RRP12: variants seen among roughly 807,000 people sequenced by gnomAD.
RRP12 encodes the protein RRP12-like protein.
Under a neutral mutation model 157.3 loss-of-function variants are expected in RRP12, and 78 were observed. The ratio of observed to expected loss-of-function variants is 0.50; its 90% CI spans 0.41 to 0.60. RRP12 has a LOEUF of 0.60. Ranked by LOEUF, RRP12 falls within the 20% of genes least tolerant of loss-of-function variation. The pLI, the probability that RRP12 is intolerant of heterozygous loss-of-function variation, is 0.00. For synonymous variants in RRP12, 726 were observed against 670.9 expected, an observed-to-expected ratio of 1.08 and a Z score of -1.27; for missense variants, 1,521 against 1,679.9, an observed-to-expected ratio of 0.91 and a Z score of 1.65.
At position 97,373,672 on chromosome 10, in the gene RRP12, C is replaced by T. The variant is rs1174318832; in HGVS notation, c.1929G>A (p.Leu643=). The part of the protein sequence containing the change: ...PTDVAISFKG[L]ARTLGMAISE... Reference sequence around the variant, plus strand: ...TGATGGCCATGCCCAGCGTCCGTGCCAGCCCTTTGAAGGAGATGGCCACAT... The same window carrying T: ...TGATGGCCATGCCCAGCGTCCGTGCTAGCCCTTTGAAGGAGATGGCCACAT... Residue 643 remains leucine (L), a synonymous_variant, in exon 17 of 34, where the codon CTG becomes CTA. Transcript: ENST00000370992. 6.2e-7 allele frequency: 1 copy of T among 1,613,964 alleles called. No individual in the cohort carries two copies. The highest frequency in any genetic ancestry group is 1.7e-5 in the Admixed American group (1 of 60,010).
chr10:97,387,478 C>T (rs1360433725), intron 8 of RRP12, among the ~76,000 whole-genome samples: 4 of 151,724 alleles, frequency 2.6e-5, no homozygotes, highest in African/African-American at 4.8e-5. Flanking sequence ...GGATTATAGG[C>T]GCGTGCAGCC....
Position 97,370,754 on chromosome 10 carries a change from C to T in RRP12, c.2545G>A (p.Ala849Thr). 1 of 1,614,158 alleles carries T rather than the reference C, an allele frequency of 6.2e-7. No homozygotes were observed. The change falls in exon 22 of 34, where the codon GCT becomes ACT. Residue 849 changes from alanine to threonine, a missense_variant. Coordinates refer to ENST00000370992, the MANE Select transcript of RRP12 (RefSeq NM_015179.4). ...GCAGTGATGAACTCCTTGTGTTCAG[C>T]TGAGAGCTTCCTCACGATGTGTAGG... Reference protein sequence around the residue: ...CLLHIVRKLSAEHKEFITALI... With the variant: ...CLLHIVRKLSTEHKEFITALI...
chr10:97,381,543 C>A, intron 11 of RRP12, 60 bp from the exon 12 acceptor site: 1 of 1,365,672 alleles, frequency 7.3e-7, no homozygotes. Context: ...CCACTCTCCC[C>A]TCCCAGGCAA....
Position 97,373,910 on chromosome 10 carries a change from G to C in RRP12, c.1799-16C>G, listed in dbSNP as rs748560532. On this transcript the variant is annotated splice_polypyrimidine_tract_variant and intron_variant, in intron 15 of 33. Transcript: ENST00000370992. ...AGGTCCATGGCTGCAGTGTGACAGAGGGACAGAGTGTGAGCCCAGCACCCT... is the reference window on the plus strand; with the variant it reads ...AGGTCCATGGCTGCAGTGTGACAGACGGACAGAGTGTGAGCCCAGCACCCT... 6.2e-7 allele frequency: 1 copy of C among 1,611,098 alleles called. No individual in the cohort carries two copies. Among genetic ancestry groups the C allele is most frequent in the Non-Finnish European group, 8.5e-7 (1 of 1,179,134 alleles).
intron 10 of RRP12, among the ~76,000 whole-genome samples, chr10:97,383,172 A>G (rs1844517873): frequency 6.6e-6 from 1 of 152,214 alleles, no homozygotes; most frequent in African/African-American, 2.4e-5. Flanking sequence ...GTACGATGAT[A>G]AGCATCCCGG....
At chr10:97,373,248 G>A in intron 17 of RRP12, 48 bp from the exon 18 acceptor site, 3 of 1,587,814 alleles carry the variant, frequency 1.9e-6, no homozygotes, top group Non-Finnish European at 2.6e-6. Flanking sequence ...AGCTGACTGT[G>A]CCTCAGTGGC....
chr10:97,373,619 A>T lies in RRP12; in HGVS notation c.1982T>A (p.Val661Glu), dbSNP rs1475884622. 1 of 1,612,676 alleles carries T rather than the reference A, an allele frequency of 6.2e-7. No homozygotes were observed. The highest frequency in any genetic ancestry group is 8.5e-7 in the Non-Finnish European group (1 of 1,179,436). The change falls in exon 17 of 34, where the codon GTG becomes GAG. Residue 661 changes from valine to glutamate, a missense_variant. Coordinates refer to ENST00000370992, the MANE Select transcript of RRP12 (RefSeq NM_015179.4). ...ISERPDLRVT[V>E]CQALRTLITK... ...GATGAGGGTGCGCAGGGCCTGGCAC[A>T]CGGTGACCCTCAGGTCTGGACGCTC...
rs142849280 is a variant in RRP12, at chr10:97,358,971, G to A, written c.3680C>T (p.Ala1227Val). The change falls in exon 32 of 34, where the codon GCT becomes GTT. Residue 1227 changes from alanine (A) to valine (V), a missense_variant. By Grantham distance (64) the Ala-to-Val change is moderately conservative. Coordinates refer to ENST00000370992, the MANE Select transcript of RRP12 (RefSeq NM_015179.4). ...SGIHRPVAKK[A>V]MPGAEYKAKK... ...GGCCTTGTATTCAGCCCCAGGCATA[G>A]CCTTCTTGGCCACAGGGCGATGAAT... 12 of 1,613,858 alleles carry A rather than the reference G, an allele frequency of 7.4e-6. No homozygotes were observed. The highest frequency in any genetic ancestry group is 8.5e-7 in the Non-Finnish European group (1 of 1,179,910).
At chr10:97,386,029 A>G in intron 8 of RRP12, 36 bp from the exon 9 acceptor site, 1 of 1,432,262 alleles carries the variant, frequency 7.0e-7, no homozygotes, top group African/African-American at 1.4e-5. Flanking sequence ...AAGGAACTAC[A>G]AAGCCCACGG....
chr10:97,387,175 C>T (rs915160368), intron 8 of RRP12, among the ~76,000 whole-genome samples: 1 of 151,904 alleles, frequency 6.6e-6, no homozygotes, highest in Admixed American at 6.6e-5. Flanking sequence ...ACTTATAATA[C>T]GTAATACAAT....
rs191393792 is a variant in RRP12 at position 97,393,590 on chromosome 10, T to A, written c.530+94A>T. 732 of 1,014,082 alleles carry A rather than the reference T, an allele frequency of 7.2e-4. 1 individual carries two copies. The highest frequency in any genetic ancestry group is 8.5e-4 in the Non-Finnish European group (551 of 647,918). 62.8% of individuals were successfully genotyped at this position (1,014,082 alleles called of 1,614,324 possible). ...ATGTTCATGAAGAGCAAGTATCTTT[T>A]TAAATAACAATTCCCTGATCCTGTT... On this transcript the variant is annotated intron_variant, in intron 4 of 33. Transcript: ENST00000370992.
intron 29 of RRP12, among the ~76,000 whole-genome samples, chr10:97,365,193 G>A (rs2133036115): frequency 6.6e-6 from 1 of 152,038 alleles, no homozygotes; most frequent in African/African-American, 2.4e-5. Context: ...GTTAGGAGGT[G>A]CAGTGAGACA....
chr10:97,376,425 G>A (rs1450175819), intron 15 of RRP12, among the ~76,000 whole-genome samples: 3 of 151,764 alleles, frequency 2.0e-5, no homozygotes, highest in African/African-American at 7.3e-5. Context: ...ATGTTGTTTA[G>A]GCTGGTCTCG....
At chr10:97,392,713 C>T (rs1258294630) in intron 4 of RRP12, among the ~76,000 whole-genome samples, 45 of 146,408 alleles carry the variant, frequency 3.1e-4, no homozygotes, top group African/African-American at 9.9e-4. Context: ...TTTTTTGAGA[C>T]GGAGTCTTGC....
intron 10 of RRP12, among the ~76,000 whole-genome samples, chr10:97,383,235 A>G (rs888450233): frequency 6.6e-6 from 1 of 152,118 alleles, no homozygotes; most frequent in African/African-American, 2.4e-5. Context: ...GAAGCATGAG[A>G]AGTGGTGAAT....
chr10:97,360,658 G>A (rs779204476), intron 30 of RRP12, 40 bp from the exon 31 acceptor site: 1 of 1,501,482 alleles, frequency 6.7e-7, no homozygotes, highest in African/African-American at 1.4e-5. Context: ...TGAACCAGGG[G>A]ATGTGCCCAC....
chr10:97,370,234 C>T lies in RRP12; in HGVS notation c.2730G>A (p.Leu910=), dbSNP rs758267284. 6.2e-6 allele frequency: 10 copies of T among 1,605,204 alleles called. No individual in the cohort carries two copies. Among genetic ancestry groups the T allele is most frequent in the South Asian group, 3.4e-5 (3 of 89,286 alleles). The change falls in exon 24 of 34, where the codon CTG becomes CTA. Residue 910 remains leucine (L), a synonymous_variant. Coordinates refer to ENST00000370992, the MANE Select transcript of RRP12 (RefSeq NM_015179.4). The stretch of plus-strand genomic sequence containing the variant: ...AGCTGACCATGGTCACCGCGCCCAC[C>T]AGGCCAGGGTAGATCAGGACGAGGT... ...QCYLVLIYPG[L]VGAVTMVSCS... is the part of the protein sequence containing the mutation.
chr10:97,396,314 G>C lies in RRP12; in HGVS notation c.370-13C>G. ...GAACAGCACAGATCTGCACAGGAGGGAGAAAGCACTGTGACTATTTTAGAC... is the reference window on the plus strand; with the variant it reads ...GAACAGCACAGATCTGCACAGGAGGCAGAAAGCACTGTGACTATTTTAGAC... On this transcript the variant is annotated splice_polypyrimidine_tract_variant and intron_variant, in intron 2 of 33. Coordinates refer to ENST00000370992, the MANE Select transcript of RRP12 (RefSeq NM_015179.4). The C allele has an allele frequency of 1.2e-6, 2 of 1,608,910 alleles. No homozygotes were observed. The highest frequency in any genetic ancestry group is 1.7e-5 in the Admixed American group (1 of 60,002).
chr10:97,369,028 C>G (rs1844064809), intron 25 of RRP12, among the ~76,000 whole-genome samples: 1 of 152,064 alleles, frequency 6.6e-6, no homozygotes, highest in South Asian at 2.1e-4. Flanking sequence ...TGGCCTCTAA[C>G]CAGCAAGGTC....
Sources: gnomAD v4.1 joint callset for allele counts (sites outside exome capture counted in the v4.1 genomes callset) on GRCh38, gnomAD v4.1.1 for gene constraint, MANE v1.5 for transcripts, NCBI Gene and HGNC (gene_info 2026-07-23, HGNC 2026-07-21) for gene names.